Variants in CENPK observed in about 807,000 individuals in gnomAD.
The protein encoded by CENPK is centromere protein K.
Under a neutral mutation model 40.9 loss-of-function variants are expected in CENPK, and 46 were observed. That is an observed-to-expected ratio of 1.13 (90% CI 0.89 to 1.44). The LOEUF (loss-of-function observed/expected upper bound fraction) is 1.44. Among genes scored for constraint, CENPK ranks in the 40% most tolerant of loss-of-function variants. The probability of loss-of-function intolerance (pLI) is 0.00; values close to 1 mark genes in which losing one functional copy is unlikely to be tolerated. For synonymous variants in CENPK, 107 were observed against 104.4 expected, an observed-to-expected ratio of 1.02 and a Z score of -0.15; for missense variants, 288 against 303.5, an observed-to-expected ratio of 0.95 and a Z score of 0.38.
chr5:65,563,141 G>T lies in CENPK; in HGVS notation c.-185C>A. ...TCCAGGTCGCCTAGGCGCTGCGCAG[G>T]AAGCGCTTGCCAGCCCCGGACTTCT... On this transcript the variant is annotated 5_prime_UTR_variant, in exon 1 of 11. Coordinates refer to ENST00000396679, the MANE Select transcript of CENPK (RefSeq NM_022145.5). The T allele has an allele frequency of 1.2e-6, 1 of 823,714 alleles. No individual in the cohort carries two copies. The highest frequency in any genetic ancestry group is 1.8e-6 in the Non-Finnish European group (1 of 542,210). The allele number at this position is 823,714 out of a possible 1,614,324, so 51.0% of individuals were successfully genotyped here. A position where few individuals can be genotyped will look rare whatever the true frequency, so the allele number is the denominator to read the frequency against.
intron 6 of CENPK, among the ~76,000 whole-genome samples, chr5:65,533,260 G>C (rs1289034475): frequency 6.6e-6 from 1 of 151,900 alleles, no homozygotes; most frequent in African/African-American, 2.4e-5. Flanking sequence ...TGAGGCAGGA[G>C]AATTGCTTGA....
chr5:65,509,552 G>A, the CENPK span, among the ~76,000 whole-genome samples: 2 of 152,030 alleles, frequency 1.3e-5, no homozygotes, highest in African/African-American at 2.4e-5. Flanking sequence ...GAAGAATGTC[G>A]GTGTTCCTTC....
intron 1 of CENPK, among the ~76,000 whole-genome samples, 155 bp from the exon 2 acceptor site, chr5:65,561,719 C>G (rs570808789): frequency 6.6e-6 from 1 of 152,194 alleles, no homozygotes; most frequent in South Asian, 2.1e-4. Context: ...GTTAGGACTA[C>G]AATACTTAAT....
chr5:65,504,470 A>AAC, the CENPK span, among the ~76,000 whole-genome samples: 1 of 151,580 alleles, frequency 6.6e-6, no homozygotes, highest in East Asian at 1.9e-4. Context: ...AAAAAAAAAA[A>AAC]AAAAAAACCC....
rs570219265 is a variant in CENPK, at chr5:65,531,628, C to T, written c.289-2429G>A. ...AAGTGATTCTCCTGCTTCAGCCTCC[C>T]GAGTAGCTGGGACTACAGGTGCATG... On this transcript the variant is annotated intron_variant, in intron 6 of 10. Coordinates refer to ENST00000396679, the MANE Select transcript of CENPK (RefSeq NM_022145.5). Among the ~76,000 whole-genome samples, 10 of 151,950 alleles carry T rather than the reference C, an allele frequency of 6.6e-5. No homozygotes were observed. The East Asian group carries it at 9.7e-4, about 15-fold the overall frequency.
At chr5:65,517,355 T>C (rs1393389695), downstream of CENPK, among the ~76,000 whole-genome samples, 1 of 152,226 alleles carries the variant, frequency 6.6e-6, no homozygotes, top group East Asian at 1.9e-4. Context: ...TACACTGCCA[T>C]TTCTTCCCTC....
chr5:65,509,194 T>C, the CENPK span, among the ~76,000 whole-genome samples: 1 of 152,328 alleles, frequency 6.6e-6, no homozygotes, highest in East Asian at 1.9e-4. Flanking sequence ...TTTTGCTTTG[T>C]GAGTCAGGCA....
intron 5 of CENPK, among the ~76,000 whole-genome samples, chr5:65,545,355 C>G (rs1748724589): frequency 6.7e-6 from 1 of 150,224 alleles, no homozygotes. Flanking sequence ...CACACACACA[C>G]ACACACACAC....
Position 65,518,482 on chromosome 5 carries a change from T to C in CENPK, c.803A>G (p.His268Arg), listed in dbSNP as rs1244285837. The change falls in exon 11 of 11, where the codon CAT becomes CGT. Residue 268 changes from histidine (H) to arginine (R), a missense_variant. Coordinates refer to ENST00000396679, the MANE Select transcript of CENPK (RefSeq NM_022145.5). ...AAAAAAGAAAACATCCTTTTACTGA[T>C]GGAAAGCTTCTAATCTTATTCGGGT... The part of the protein sequence containing the change: ...DPTRIRLEAF[H>R]Q 10 of 1,609,504 alleles carry C rather than the reference T, an allele frequency of 6.2e-6. No individual in the cohort carries two copies. Among genetic ancestry groups the C allele is most frequent in the Non-Finnish European group, 7.6e-6 (9 of 1,178,946 alleles).
Position 65,551,560 on chromosome 5 carries a change from T to C in CENPK, c.241+4A>G, listed in dbSNP as rs1750051676. On this transcript the variant is annotated splice_donor_region_variant and intron_variant, in intron 5 of 10. Coordinates refer to ENST00000396679, the MANE Select transcript of CENPK (RefSeq NM_022145.5). ...AAAATTCAAATTTAAAATAAGAATC[T>C]TACTTTCAGGTGTTTTTTTCTGCCA... 8 of 1,484,698 alleles carry C rather than the reference T, an allele frequency of 5.4e-6. No individual in the cohort carries two copies. In the East Asian group the frequency reaches 1.9e-4, roughly 35 times the overall value. The allele number at this position is 1,484,698 out of a possible 1,614,324, so 92.0% of individuals were successfully genotyped here.
At chr5:65,546,726 G>A (rs1749053344) in intron 5 of CENPK, among the ~76,000 whole-genome samples, 2 of 152,212 alleles carry the variant, frequency 1.3e-5, no homozygotes, top group Non-Finnish European at 2.9e-5. Flanking sequence ...GACACAGAAG[G>A]AAGACCATGT....
At chr5:65,557,567 C>A (rs189755339) in intron 2 of CENPK, among the ~76,000 whole-genome samples, 73 of 152,312 alleles carry the variant, frequency 4.8e-4, no homozygotes, top group Admixed American at 5.9e-4. Flanking sequence ...AGGAAAGGAA[C>A]TGAGGTTCCC....
chr5:65,507,924 T>A, the CENPK span, among the ~76,000 whole-genome samples: 2 of 152,238 alleles, frequency 1.3e-5, no homozygotes, highest in Admixed American at 1.3e-4. Context: ...TTTCATAGGA[T>A]AAACTTCATT....
At chr5:65,529,523 T>TC (rs113213707) in intron 6 of CENPK, 93 of 196,064 alleles carry the variant, frequency 4.7e-4, no homozygotes, top group African/African-American at 2.2e-3. Context: ...AGTCTCACTC[T>TC]GTCACCCAGG....
At chr5:65,553,976 C>T (rs1418146435) in intron 3 of CENPK, among the ~76,000 whole-genome samples, 1 of 152,176 alleles carries the variant, frequency 6.6e-6, no homozygotes, top group Non-Finnish European at 1.5e-5. Flanking sequence ...ATTACTTCTC[C>T]AGTCTTACCC....
chr5:65,526,406 C>T (rs1050878317), intron 9 of CENPK, among the ~76,000 whole-genome samples: 2 of 151,912 alleles, frequency 1.3e-5, no homozygotes, highest in Non-Finnish European at 2.9e-5. Flanking sequence ...AAATGTAAAG[C>T]CTATAGACAA....
Position 65,518,285 on chromosome 5 carries a change from A to C in CENPK, c.*190T>G. 1 of 566,022 alleles carries C rather than the reference A, an allele frequency of 1.8e-6. No individual in the cohort carries two copies. The highest frequency in any genetic ancestry group is 3.0e-6 in the Non-Finnish European group (1 of 328,390). The allele number at this position is 566,022 out of a possible 1,614,324, so 35.1% of individuals were successfully genotyped here. On this transcript the variant is annotated 3_prime_UTR_variant, in exon 11 of 11. Coordinates refer to ENST00000396679, the MANE Select transcript of CENPK (RefSeq NM_022145.5). ...CTTATCCATATAGTTTAAAACACTAAAGCACTCACTGAATAAGAAATGACC... is the reference window on the plus strand; with the variant it reads ...CTTATCCATATAGTTTAAAACACTACAGCACTCACTGAATAAGAAATGACC...
chr5:65,516,002 T>C (rs939156175), downstream of CENPK, among the ~76,000 whole-genome samples: 1 of 152,214 alleles, frequency 6.6e-6, no homozygotes, highest in Non-Finnish European at 1.5e-5. Flanking sequence ...TATCTTCACA[T>C]GGCAAAGAGA....
intron 3 of CENPK, among the ~76,000 whole-genome samples, chr5:65,553,780 G>A (rs968453355): frequency 6.6e-6 from 1 of 152,052 alleles, no homozygotes; most frequent in East Asian, 1.9e-4. Context: ...TTTTTACCAG[G>A]ACTATTACTA....
Sources: gnomAD v4.1 joint callset for allele counts (sites outside exome capture counted in the v4.1 genomes callset) on GRCh38, gnomAD v4.1.1 for gene constraint, MANE v1.5 for transcripts, NCBI Gene and HGNC (gene_info 2026-07-23, HGNC 2026-07-21) for gene names.